SERPINA3: variants seen among roughly 807,000 people sequenced by gnomAD.
SERPINA3 encodes alpha-1-antichymotrypsin.
In SERPINA3, 32 loss-of-function variants were observed where a neutral mutation model predicts 26.8. The observed-to-expected ratio is 1.20, with a 90% CI of 0.90 to 1.61. The LOEUF is 1.61. Ranked by LOEUF, SERPINA3 falls within the 40% of genes most tolerant of loss-of-function variation. The probability of loss-of-function intolerance (pLI) is 0.00; values close to 1 mark genes in which losing one functional copy is unlikely to be tolerated. For synonymous variants in SERPINA3, 252 were observed against 206.4 expected (o/e 1.22, Z -1.89); for missense variants, 632 against 517.9 (o/e 1.22, Z -2.14).
chr14:94,623,733 G>C lies in SERPINA3; in HGVS notation c.1191G>C (p.Arg397Ser), dbSNP rs1474809304. ...VETRTIVRFNRPFLMIIVPTD... is the reference protein window; with the variant it reads ...VETRTIVRFNSPFLMIIVPTD... ...CAAGGACCATTGTGCGTTTCAACAG[G>C]CCCTTCCTGATGATCATTGTCCCTA... Residue 397 changes from arginine to serine, a missense_variant, in exon 5 of 5, where the codon AGG becomes AGC. Arg to Ser is a moderately radical substitution (Grantham distance 110). Coordinates refer to ENST00000393078, the MANE Select transcript of SERPINA3 (RefSeq NM_001085.5). 5 of 1,613,986 alleles carry C rather than the reference G, an allele frequency of 3.1e-6. No individual in the cohort carries two copies. The highest frequency in any genetic ancestry group is 3.4e-6 in the Non-Finnish European group (4 of 1,180,014).
intron 2 of SERPINA3, chr14:94,618,851 C>T (rs1271364275): frequency 4.6e-6 from 2 of 436,750 alleles, no homozygotes; most frequent in East Asian, 4.6e-5. Context: ...GGAACAAAGG[C>T]TGTCCCATTT....
intron 2 of SERPINA3, among the ~76,000 whole-genome samples, chr14:94,615,824 G>C (rs760197493): frequency 3.1e-4 from 47 of 152,162 alleles, no homozygotes; most frequent in Non-Finnish European, 5.6e-4. Context: ...CAGCCTGCAA[G>C]CTCCGAAGGG....
At position 94,622,402 on chromosome 14, in the gene SERPINA3, A is replaced by G. The variant is rs759959289; in HGVS notation, c.979A>G (p.Ile327Val). 9.3e-6 allele frequency: 15 copies of G among 1,613,942 alleles called. No homozygotes were observed. Among genetic ancestry groups the G allele is most frequent in the Non-Finnish European group, 1.3e-5 (15 of 1,180,002 alleles). Residue 327 changes from isoleucine (I) to valine (V), a missense_variant, in exon 4 of 5, where the codon ATA becomes GTA. By Grantham distance (29) the Ile-to-Val change is conservative. Transcript: ENST00000393078. ...CTCGAGGGACTATAACCTGAACGACATACTTCTCCAGCTGGGCATTGAGGA... is the reference window on the plus strand; with the variant it reads ...CTCGAGGGACTATAACCTGAACGACGTACTTCTCCAGCTGGGCATTGAGGA... ...SISRDYNLND[I>V]LLQLGIEEAF...
rs760107373 is a variant in SERPINA3 at position 94,623,722 on chromosome 14, C to T, written c.1180C>T (p.Arg394Cys). The change falls in exon 5 of 5, where the codon CGT becomes TGT. Residue 394 changes from arginine to cysteine, a missense_variant. Transcript: ENST00000393078. ...SALVETRTIV[R>C]FNRPFLMIIV... ...ATTAGTGGAGACAAGGACCATTGTG[C>T]GTTTCAACAGGCCCTTCCTGATGAT... 22 of 1,613,994 alleles carry T rather than the reference C, an allele frequency of 1.4e-5. No individual in the cohort carries two copies. The highest frequency in any genetic ancestry group is 9.3e-5 in the African/African-American group (7 of 74,908).
intron 2 of SERPINA3, 29 bp downstream of exon 2, chr14:94,615,113 G>A (rs1204199181): frequency 1.2e-6 from 2 of 1,611,480 alleles, no homozygotes; most frequent in East Asian, 4.5e-5. Context: ...GGGTTCAGAA[G>A]AGGTGGATCT....
chr14:94,612,463 T>A lies in SERPINA3; in HGVS notation c.-9+16T>A. 7.4e-7 allele frequency: 1 copy of A among 1,346,680 alleles called. No homozygotes were observed. The highest frequency in any genetic ancestry group is 9.9e-7 in the Non-Finnish European group (1 of 1,005,222). 83.4% of individuals were successfully genotyped at this position (1,346,680 alleles called of 1,614,324 possible). On this transcript the variant is annotated intron_variant, in intron 1 of 4. Coordinates refer to ENST00000393078, the MANE Select transcript of SERPINA3 (RefSeq NM_001085.5). ...CCTGAGGCAGGTAATCCATGATGTT[T>A]TACATCCTGGGAGCGGAGGAATCTG...
intron 2 of SERPINA3, chr14:94,617,729 C>G (rs778269528): frequency 1.3e-5 from 2 of 152,140 alleles, no homozygotes; most frequent in African/African-American, 2.4e-5. Flanking sequence ...TGAGCTTTTA[C>G]CAAGCATCTC....
intron 2 of SERPINA3, chr14:94,615,434 G>T: frequency 2.1e-6 from 1 of 468,378 alleles, no homozygotes; most frequent in South Asian, 1.5e-5. Context: ...CTCCTTGCAG[G>T]GGTGCTGCTA....
chr14:94,621,762 G>A (rs1886211055), intron 3 of SERPINA3, among the ~76,000 whole-genome samples: 1 of 151,212 alleles, frequency 6.6e-6, no homozygotes, highest in Non-Finnish European at 1.5e-5. Flanking sequence ...CCTGCCTCTG[G>A]CTCCTGGCCC....
At chr14:94,620,932 C>T (rs983027121) in intron 3 of SERPINA3, among the ~76,000 whole-genome samples, 2 of 152,154 alleles carry the variant, frequency 1.3e-5, no homozygotes, top group African/African-American at 4.8e-5. Context: ...GGTCGCTGCT[C>T]TTCTCTGGAG....
rs1230163882 is a variant in SERPINA3 at position 94,614,646 on chromosome 14, C to G, written c.205C>G (p.Pro69Ala). 1.9e-6 allele frequency: 3 copies of G among 1,613,934 alleles called. No homozygotes were observed. The East Asian group carries it at 6.7e-5, about 36-fold the overall frequency. Residue 69 changes from proline (P) to alanine (A), a missense_variant, in exon 2 of 5, where the codon CCT becomes GCT. Physicochemically the swap from Pro to Ala is conservative, Grantham distance 27. Transcript: ENST00000393078. ...GTACAAGCAGTTAGTCCTGAAGGCC[C>G]CTGATAAGAATGTCATCTTCTCCCC... ...SLYKQLVLKAPDKNVIFSPLS... is the reference protein window; with the variant it reads ...SLYKQLVLKAADKNVIFSPLS...
chr14:94,613,145 A>T (rs1566845503), intron 1 of SERPINA3, among the ~76,000 whole-genome samples: 1 of 151,940 alleles, frequency 6.6e-6, no homozygotes, highest in Admixed American at 6.6e-5. Context: ...GGCCAAAGGC[A>T]TTTCCACTGG....
intron 2 of SERPINA3, among the ~76,000 whole-genome samples, chr14:94,617,382 G>T (rs943025576): frequency 6.6e-6 from 1 of 152,168 alleles, no homozygotes; most frequent in South Asian, 2.1e-4. Context: ...CCAAAGGTGG[G>T]GAAGTGTCAA....
chr14:94,614,858 T>G lies in SERPINA3; in HGVS notation c.417T>G (p.Asn139Lys), dbSNP rs2139953996. ...SSDELQLSMG[N>K]AMFVKEQLSL... ...ATGAGCTGCAGCTGAGTATGGGAAA[T>G]GCCATGTTTGTCAAAGAGCAACTCA... The change falls in exon 2 of 5, where the codon AAT becomes AAG. Residue 139 changes from asparagine (N) to lysine (K), a missense_variant. Asn to Lys is a moderately conservative substitution (Grantham distance 94, BLOSUM62 0). Transcript: ENST00000393078. The G allele has an allele frequency of 3.1e-6, 5 of 1,614,154 alleles. No homozygotes were observed. Among genetic ancestry groups the G allele is most frequent in the Non-Finnish European group, 4.2e-6 (5 of 1,180,030 alleles).
chr14:94,621,035 T>G (rs1184940616), intron 3 of SERPINA3, among the ~76,000 whole-genome samples: 1 of 152,150 alleles, frequency 6.6e-6, no homozygotes, highest in Non-Finnish European at 1.5e-5. Flanking sequence ...TATTGTATGT[T>G]GAAGCCATAA....
Position 94,619,370 on chromosome 14 carries a change from C to T in SERPINA3, c.819C>T (p.Ser273=), listed in dbSNP as rs61737404. The T allele has an allele frequency of 0.035, 56,489 of 1,614,058 alleles. 1,136 individuals are homozygous for T. The highest frequency in any genetic ancestry group is 0.039 in the Non-Finnish European group (45,466 of 1,179,956). Residue 273 remains serine, a synonymous_variant, in exon 3 of 5, where the codon AGC becomes AGT. Transcript: ENST00000393078. ...VVELKYTGNA[S]ALFILPDQDK... is the part of the protein sequence containing the mutation. Reference sequence around the variant, plus strand: ...AGCTGAAGTACACAGGCAATGCCAGCGCACTCTTCATCCTCCCTGATCAAG... The same window carrying T: ...AGCTGAAGTACACAGGCAATGCCAGTGCACTCTTCATCCTCCCTGATCAAG...
At chr14:94,618,146 C>T (rs1367215505) in intron 2 of SERPINA3, 2 of 152,152 alleles carry the variant, frequency 1.3e-5, no homozygotes, top group East Asian at 3.9e-4. Flanking sequence ...CTCCATTCTT[C>T]CCTTGCTTGC....
chr14:94,621,345 C>T (rs1886195129), intron 3 of SERPINA3, among the ~76,000 whole-genome samples: 1 of 152,168 alleles, frequency 6.6e-6, no homozygotes, highest in South Asian at 2.1e-4. Flanking sequence ...AACATGTGTC[C>T]ACACACTCCT....
intron 3 of SERPINA3, among the ~76,000 whole-genome samples, chr14:94,621,462 A>G (rs1886198205): frequency 6.6e-6 from 1 of 152,166 alleles, no homozygotes; most frequent in Non-Finnish European, 1.5e-5. Context: ...TTCCTCCTTC[A>G]GGGGACTCAG....
Sources: allele counts gnomAD v4.1 joint callset (sites outside exome capture counted in the v4.1 genomes callset), GRCh38; gene constraint gnomAD v4.1.1; transcripts MANE v1.5; gene names NCBI Gene and HGNC (gene_info 2026-07-23, HGNC 2026-07-21).